The following HABP2 variants were observed in gnomAD, a reference collection of about 807,000 sequenced individuals.
HABP2 encodes the protein hyaluronan binding protein 2.
A neutral mutation model predicts 66.5 loss-of-function variants in HABP2; 65 were observed. The observed-to-expected ratio is 0.98, with a 90% CI of 0.80 to 1.20. The LOEUF is 1.20. Among genes scored for constraint, HABP2 ranks in the 50% most tolerant of loss-of-function variants. The pLI is 0.00. For synonymous variants in HABP2, 263 were observed against 253.9 expected, an observed-to-expected ratio of 1.04 and a Z score of -0.34; for missense variants, 786 against 691.0, an observed-to-expected ratio of 1.14 and a Z score of -1.54.
chr10:113,575,933 A>T lies in HABP2; in HGVS notation c.260A>T (p.Asp87Val). The change falls in exon 4 of 13, where the codon GAC becomes GTC. Residue 87 changes from aspartate (D) to valine (V), a missense_variant. Transcript: ENST00000351270. ...CQPNPCEHGG[D>V]CLVHGSTFTC... ...CCCAACCCCTGTGAACACGGTGGGG[A>T]CTGCCTCGTCCATGGGAGCACCTTC... 1.2e-6 allele frequency: 2 copies of T among 1,611,988 alleles called. No individual in the cohort carries two copies. Among genetic ancestry groups the T allele is most frequent in the Non-Finnish European group, 1.7e-6 (2 of 1,178,122 alleles).
intron 1 of HABP2, among the ~76,000 whole-genome samples, chr10:113,565,649 A>C (rs2133753879): frequency 6.6e-6 from 1 of 152,352 alleles, no homozygotes; most frequent in Non-Finnish European, 1.5e-5. Context: ...ATCAAATTTC[A>C]GCACGAGGTT....
At chr10:113,584,771 C>A (rs1845602706) in intron 11 of HABP2, among the ~76,000 whole-genome samples, 1 of 152,196 alleles carries the variant, frequency 6.6e-6, no homozygotes, top group African/African-American at 2.4e-5. Flanking sequence ...GGTCAGGTCC[C>A]ATTCATCTCT....
intron 8 of HABP2, among the ~76,000 whole-genome samples, chr10:113,580,895 G>T (rs1396386009): frequency 6.6e-6 from 1 of 152,176 alleles, no homozygotes; most frequent in Non-Finnish European, 1.5e-5. Context: ...GTGGGTTTAG[G>T]TCAGGTAGTC....
intron 1 of HABP2, among the ~76,000 whole-genome samples, chr10:113,557,113 AC>A (rs1234366131): frequency 6.6e-6 from 1 of 152,172 alleles, no homozygotes; most frequent in African/African-American, 2.4e-5. Context: ...TCAAGCATCC[AC>A]ACCTGCATGG....
Position 113,578,207 on chromosome 10 carries a change from G to C in HABP2, c.568+62G>C. The stretch of plus-strand genomic sequence containing the variant: ...GCCTCTGGAACCCTTTCCTCTCTGG[G>C]TTTTGTTGCCAGAATGTGGTTCAAA... On this transcript the variant is annotated intron_variant, in intron 6 of 12. Coordinates refer to ENST00000351270, the MANE Select transcript of HABP2 (RefSeq NM_004132.5). 5 of 1,564,070 alleles carry C rather than the reference G, an allele frequency of 3.2e-6. No homozygotes were observed. In the South Asian group the frequency reaches 5.7e-5, roughly 18 times the overall value.
At chr10:113,551,168 T>C (rs1311573484), upstream of HABP2, among the ~76,000 whole-genome samples, 2 of 152,258 alleles carry the variant, frequency 1.3e-5, no homozygotes, top group Admixed American at 6.5e-5. Context: ...CATAAACTTA[T>C]TGAGCGTCTA....
At chr10:113,568,100 T>C (rs1845234071) in intron 2 of HABP2, among the ~76,000 whole-genome samples, 1 of 152,240 alleles carries the variant, frequency 6.6e-6, no homozygotes, top group Non-Finnish European at 1.5e-5. Context: ...CGCTCTCTTA[T>C]TGTCTCCCTT....
intron 1 of HABP2, among the ~76,000 whole-genome samples, chr10:113,557,409 C>T (rs908961094): frequency 2.6e-5 from 4 of 152,184 alleles, no homozygotes; most frequent in South Asian, 2.1e-4. Context: ...TATACAGGCA[C>T]GGGTATATTT....
Position 113,578,813 on chromosome 10 carries a change from A to G in HABP2, c.740+15A>G. 1 of 1,553,176 alleles carries G rather than the reference A, an allele frequency of 6.4e-7. No individual in the cohort carries two copies. Among genetic ancestry groups the G allele is most frequent in the Non-Finnish European group, 8.9e-7 (1 of 1,126,064 alleles). On this transcript the variant is annotated intron_variant, in intron 7 of 12. Coordinates refer to ENST00000351270, the MANE Select transcript of HABP2 (RefSeq NM_004132.5). ...AATTTCTGCAGGTAACATTTACCTT[A>G]TTTATGCTCAGTTGATTTTGGTCAC...
At chr10:113,555,260 C>T (rs1844971214) in intron 1 of HABP2, among the ~76,000 whole-genome samples, 1 of 152,202 alleles carries the variant, frequency 6.6e-6, no homozygotes, top group Admixed American at 6.5e-5. Context: ...GGGCCTGTCC[C>T]AAGTCATACA....
chr10:113,560,232 A>T (rs1353412586), intron 1 of HABP2, among the ~76,000 whole-genome samples: 1 of 152,250 alleles, frequency 6.6e-6, no homozygotes, highest in Non-Finnish European at 1.5e-5. Context: ...TTGAGACGGC[A>T]TTGAGCAATG....
chr10:113,577,910 C>G lies in HABP2; in HGVS notation c.449-116C>G. On this transcript the variant is annotated intron_variant, in intron 5 of 12. Transcript: ENST00000351270. ...GATCTGTCTTTCCCATCTGGTGACC[C>G]ATCTTTCGCGAAAGGATGGACACCA... is the stretch of plus-strand genomic sequence containing the variant. The G allele has an allele frequency of 4.2e-6, 5 of 1,196,146 alleles. No homozygotes were observed. The South Asian group carries it at 7.1e-5, about 17-fold the overall frequency. The allele number at this position is 1,196,146 out of a possible 1,614,324, so 74.1% of individuals were successfully genotyped here.
At chr10:113,575,594 C>A (rs1014442069) in intron 3 of HABP2, among the ~76,000 whole-genome samples, 4 of 152,114 alleles carry the variant, frequency 2.6e-5, no homozygotes, top group African/African-American at 9.7e-5. Flanking sequence ...GAGAAAAACA[C>A]TGATGAGGGA....
chr10:113,573,236 C>T (rs148830062), intron 2 of HABP2, among the ~76,000 whole-genome samples: 8 of 152,330 alleles, frequency 5.3e-5, no homozygotes, highest in East Asian at 3.9e-4. Flanking sequence ...CACAGAGCTA[C>T]CAGGATCTCC....
chr10:113,561,294 G>A (rs938230086), intron 1 of HABP2, among the ~76,000 whole-genome samples: 2 of 152,174 alleles, frequency 1.3e-5, no homozygotes, highest in South Asian at 4.1e-4. Context: ...TGTAGCAGGA[G>A]CCAGAGAAGA....
intron 2 of HABP2, 82 bp from the exon 3 acceptor site, chr10:113,574,206 GA>G: frequency 1.2e-5 from 9 of 739,938 alleles, no homozygotes; most frequent in Non-Finnish European, 9.7e-6. Flanking sequence ...ATTCTTTGGG[GA>G]AAAGGTGTCC....
At chr10:113,552,200 C>T (rs1844911044), upstream of HABP2, among the ~76,000 whole-genome samples, 1 of 152,186 alleles carries the variant, frequency 6.6e-6, no homozygotes, top group Non-Finnish European at 1.5e-5. Flanking sequence ...CCTCCGCTGG[C>T]AGCAGCATTT....
At chr10:113,587,747 T>C (rs754912903) in intron 12 of HABP2, among the ~76,000 whole-genome samples, 3 of 152,050 alleles carry the variant, frequency 2.0e-5, no homozygotes, top group African/African-American at 7.2e-5. Context: ...TCTATTGCTA[T>C]CTATGGTTTA....
chr10:113,588,333 G>A lies in HABP2; in HGVS notation c.1647G>A (p.Trp549Ter). The A allele has an allele frequency of 2.5e-6, 4 of 1,613,668 alleles. No homozygotes were observed. Among genetic ancestry groups the A allele is most frequent in the Non-Finnish European group, 3.4e-6 (4 of 1,179,792 alleles). ...VYTQVTKFLN[W>*]IKATIKSESG... ...CCCAAGTTACCAAATTCCTGAATTG[G>A]ATCAAAGCCACCATCAAAAGTGAAA... The change falls in exon 13 of 13, where the codon TGG becomes TGA. Residue 549 changes from tryptophan to a stop codon, truncating the protein, a stop_gained. Coordinates refer to ENST00000351270, the MANE Select transcript of HABP2 (RefSeq NM_004132.5). LOFTEE classifies it high-confidence loss of function.
Sources: allele counts gnomAD v4.1 joint callset (sites outside exome capture counted in the v4.1 genomes callset), GRCh38; gene constraint gnomAD v4.1.1; transcripts MANE v1.5; gene names NCBI Gene and HGNC (gene_info 2026-07-23, HGNC 2026-07-21).